Variants in OGDH observed in about 807,000 individuals in gnomAD.
OGDH encodes 2-oxoglutarate dehydrogenase complex component E1.
A neutral mutation model predicts 116.6 loss-of-function variants in OGDH; 38 were observed. The observed-to-expected ratio is 0.33, with a 90% CI of 0.25 to 0.43. The LOEUF (loss-of-function observed/expected upper bound fraction) is 0.43. OGDH is among the 20% of genes least tolerant of loss of function. The probability of loss-of-function intolerance (pLI) is 1.00; values close to 1 mark genes in which losing one functional copy is unlikely to be tolerated. For synonymous variants in OGDH, 488 were observed against 533.3 expected, an observed-to-expected ratio of 0.92 and a Z score of 1.17; for missense variants, 825 against 1,357.2, an observed-to-expected ratio of 0.61 and a Z score of 6.16.
chr7:44,692,912 C>T (rs1184917313), intron 10 of OGDH, among the ~76,000 whole-genome samples: 3 of 151,618 alleles, frequency 2.0e-5, no homozygotes, highest in Admixed American at 6.6e-5. Context: ...TGGTGCACAC[C>T]TATAACACCA....
intron 4 of OGDH, chr7:44,656,476 G>A: frequency 1.1e-6 from 1 of 905,170 alleles, no homozygotes; most frequent in East Asian, 2.7e-5. Context: ...TCTGTCACGT[G>A]TTTTTAAGTT....
At position 44,681,853 on chromosome 7, in the gene OGDH, C is replaced by T. The variant is rs751938348; in HGVS notation, c.1335+5C>T. Reference sequence around the variant, plus strand: ...CACGTGGTCGTCAACAACCAGGTACCTCACACCAGCCTGCGGCTTTGCTGC... The same window carrying T: ...CACGTGGTCGTCAACAACCAGGTACTTCACACCAGCCTGCGGCTTTGCTGC... On this transcript the variant is annotated splice_donor_5th_base_variant and intron_variant, in intron 10 of 22. Coordinates refer to ENST00000222673, the MANE Select transcript of OGDH (RefSeq NM_002541.4). 6.2e-7 allele frequency: 1 copy of T among 1,614,078 alleles called. No homozygotes were observed. Among genetic ancestry groups the T allele is most frequent in the South Asian group, 1.1e-5 (1 of 91,056 alleles).
intron 12 of OGDH, among the ~76,000 whole-genome samples, chr7:44,695,530 C>A (rs538187166): frequency 6.6e-6 from 1 of 151,836 alleles, no homozygotes; most frequent in Non-Finnish European, 1.5e-5. Context: ...CATGGTGAAA[C>A]CCCGTCTACT....
At position 44,672,686 on chromosome 7, in the gene OGDH, AG is replaced by A. The variant is rs374033118; in HGVS notation, c.634-1099del. 6.1e-4 allele frequency among the ~76,000 whole-genome samples: 81 copies of A among 132,128 alleles called. 1 individual carries two copies. Among genetic ancestry groups the A allele is most frequent in the African/African-American group, 2.4e-3 (77 of 32,714 alleles). 86.7% of individuals were successfully genotyped at this position (132,128 alleles called of 152,430 possible). On this transcript the variant is annotated intron_variant, in intron 5 of 22. Coordinates refer to ENST00000222673, the MANE Select transcript of OGDH (RefSeq NM_002541.4). ...GAGATGGAGTCTCACTCTATCGCCC[AG>A]GCTGGAGTGCAGTGGCATGATCTTG...
Position 44,694,658 on chromosome 7 carries a change from A to G in OGDH, c.1668+82A>G. On this transcript the variant is annotated intron_variant, in intron 12 of 22. Coordinates refer to ENST00000222673, the MANE Select transcript of OGDH (RefSeq NM_002541.4). The surrounding 1 kb of genome is among the most constrained non-coding windows in gnomAD (Gnocchi z 4.2). Reference sequence around the variant, plus strand: ...AAGGTGGGCCACAGGGCCAGTTCTCACTTTTGCCAGTTATGAGGATACACG... The same window carrying G: ...AAGGTGGGCCACAGGGCCAGTTCTCGCTTTTGCCAGTTATGAGGATACACG... The G allele has an allele frequency of 6.5e-7, 1 of 1,527,014 alleles. No homozygotes were observed. Among genetic ancestry groups the G allele is most frequent in the Admixed American group, 1.7e-5 (1 of 57,162 alleles). 94.6% of individuals were successfully genotyped at this position (1,527,014 alleles called of 1,614,324 possible).
At position 44,697,281 on chromosome 7, in the gene OGDH, TG is replaced by T; in HGVS notation, c.2052-87del. 6.4e-7 allele frequency: 1 copy of T among 1,560,102 alleles called. No homozygotes were observed. The highest frequency in any genetic ancestry group is 8.7e-7 in the Non-Finnish European group (1 of 1,143,334). ...GGCCAGAAGTCCAGGTCACAGAGCATGGCATCTGCTGGTGCTTCGTGCGGGT... is the reference window on the plus strand; with the variant it reads ...GGCCAGAAGTCCAGGTCACAGAGCATGCATCTGCTGGTGCTTCGTGCGGGT... On this transcript the variant is annotated intron_variant, in intron 15 of 22. Coordinates refer to ENST00000222673, the MANE Select transcript of OGDH (RefSeq NM_002541.4). The surrounding 1 kb of genome is among the most constrained non-coding windows in gnomAD (Gnocchi z 6.0).
At chr7:44,690,600 C>A (rs537834358) in intron 10 of OGDH, among the ~76,000 whole-genome samples, 1 of 152,158 alleles carries the variant, frequency 6.6e-6, no homozygotes, top group Admixed American at 6.5e-5. Flanking sequence ...ATAACCCTGC[C>A]GGTAGAGTGC....
At chr7:44,704,241 A>G (rs1484104239) in intron 20 of OGDH, among the ~76,000 whole-genome samples, 4 of 152,182 alleles carry the variant, frequency 2.6e-5, no homozygotes, top group South Asian at 2.1e-4. Flanking sequence ...CATAGTAGCC[A>G]TCTTAATGGG....
chr7:44,695,924 TG>T, intron 12 of OGDH, 100 bp from the exon 13 acceptor site: 1 of 682,946 alleles, frequency 1.5e-6, no homozygotes, highest in Admixed American at 2.1e-5. Flanking sequence ...GGGGTATGGT[TG>T]GGCTTGCGTG....
rs766288403 is a variant in OGDH, at chr7:44,700,260, C to T, written c.2550C>T (p.Phe850=). ...HVLRRQILLP[F]RKPLIIFTPK... is the part of the protein sequence containing the mutation. Reference sequence around the variant, plus strand: ...TACGACGCCAGATCCTGCTGCCATTCCGGAAGCCGGTCAGTGGCAGGGCCT... The same window carrying T: ...TACGACGCCAGATCCTGCTGCCATTTCGGAAGCCGGTCAGTGGCAGGGCCT... Residue 850 remains phenylalanine, a synonymous_variant, in exon 19 of 23, where the codon TTC becomes TTT. Transcript: ENST00000222673. The T allele has an allele frequency of 1.9e-6, 3 of 1,614,048 alleles. No individual in the cohort carries two copies. The Admixed American group carries it at 5.0e-5, about 27-fold the overall frequency.
At chr7:44,647,557 T>C (rs1468841717) in intron 3 of OGDH, 100 bp from the exon 4 acceptor site, 9 of 1,555,534 alleles carry the variant, frequency 5.8e-6, no homozygotes, top group Non-Finnish European at 7.8e-6. Flanking sequence ...CTGTAAATGC[T>C]AATTTTAATG....
In OGDH at chr7:44,698,418, C is replaced by T. The variant is rs184378575; in HGVS notation, c.2430+155C>T. ...CTCACGTGAGTGGACAGGTGTGGCCCCATGCTTCTGGGCGCCCTGGGATGA... is the reference window on the plus strand; with the variant it reads ...CTCACGTGAGTGGACAGGTGTGGCCTCATGCTTCTGGGCGCCCTGGGATGA... On this transcript the variant is annotated intron_variant, in intron 18 of 22. Coordinates refer to ENST00000222673, the MANE Select transcript of OGDH (RefSeq NM_002541.4). Among the ~76,000 whole-genome samples the T allele has an allele frequency of 1.1e-3, 162 of 152,190 alleles. 1 individual carries two copies. Among genetic ancestry groups the T allele is most frequent in the Non-Finnish European group, 1.7e-3 (118 of 68,002 alleles).
chr7:44,708,301 C>G lies in OGDH; in HGVS notation c.*302C>G. 3.1e-6 allele frequency: 1 copy of G among 326,912 alleles called. No individual in the cohort carries two copies. The highest frequency in any genetic ancestry group is 5.8e-6 in the Non-Finnish European group (1 of 172,516). The allele number at this position is 326,912 out of a possible 1,614,324, so 20.3% of individuals were successfully genotyped here. ...CTTGGGGAGGGGTCAGCTCTGGCCA[C>G]AATCCTCCCCACCAGTCTCACCCAC... On this transcript the variant is annotated 3_prime_UTR_variant, in exon 23 of 23. Coordinates refer to ENST00000222673, the MANE Select transcript of OGDH (RefSeq NM_002541.4).
chr7:44,617,475 A>G (rs1267685450), intron 1 of OGDH, among the ~76,000 whole-genome samples: 1 of 152,172 alleles, frequency 6.6e-6, no homozygotes, highest in Non-Finnish European at 1.5e-5. Flanking sequence ...CTAGCAATGA[A>G]AAAAAACTTT....
intron 1 of OGDH, among the ~76,000 whole-genome samples, chr7:44,619,845 T>A (rs1784942159): frequency 6.6e-6 from 1 of 152,202 alleles, no homozygotes; most frequent in African/African-American, 2.4e-5. Context: ...ATATCTTCTT[T>A]GGACAAATAT....
chr7:44,624,275 A>T, intron 1 of OGDH, 42 bp from the exon 2 acceptor site: 1 of 1,384,744 alleles, frequency 7.2e-7, no homozygotes, highest in Non-Finnish European at 1.0e-6. Flanking sequence ...ACTCATTTTT[A>T]AAACCTTTCT....
intron 20 of OGDH, among the ~76,000 whole-genome samples, chr7:44,706,873 C>T (rs1040536682): frequency 7.9e-5 from 12 of 152,112 alleles, no homozygotes; most frequent in Non-Finnish European, 1.0e-4. Context: ...ATCCGCCCGC[C>T]TCAGCTTCCC....
intron 12 of OGDH, among the ~76,000 whole-genome samples, chr7:44,695,747 G>C (rs376770509): frequency 6.6e-6 from 1 of 151,578 alleles, no homozygotes; most frequent in Non-Finnish European, 1.5e-5. Context: ...TTCAAACTCC[G>C]AGCAGAATCT....
chr7:44,663,444 C>G (rs1463609401), intron 4 of OGDH, among the ~76,000 whole-genome samples: 1 of 152,102 alleles, frequency 6.6e-6, no homozygotes, highest in Non-Finnish European at 1.5e-5. Flanking sequence ...ACCAGCCCGG[C>G]CAACGTGGGA....
Sources: gnomAD v4.1 joint callset for allele counts (sites outside exome capture counted in the v4.1 genomes callset) on GRCh38, gnomAD v4.1.1 for gene constraint, Gnocchi (gnomAD v3.1) non-coding constraint, MANE v1.5 for transcripts, NCBI Gene and HGNC (gene_info 2026-07-23, HGNC 2026-07-21) for gene names.